Variants in TSPEAR observed in about 807,000 individuals in gnomAD.
TSPEAR encodes thrombospondin type laminin G domain and EAR repeats.
In TSPEAR, 69 loss-of-function variants were observed where a neutral mutation model predicts 71.6. That is an observed-to-expected ratio of 0.96 (90% confidence interval 0.79 to 1.18). TSPEAR has a LOEUF of 1.18. Ranked by LOEUF, TSPEAR falls within the 50% of genes most tolerant of loss-of-function variation. The pLI is 0.00. For missense variants in TSPEAR, 971 were observed against 894.9 expected (o/e 1.09, Z -1.09); for synonymous variants, 402 against 387.2 (o/e 1.04, Z -0.45).
chr21:44,513,762 T>C (rs1408302371), intron 9 of TSPEAR, among the ~76,000 whole-genome samples: 1 of 152,130 alleles, frequency 6.6e-6, no homozygotes, highest in Non-Finnish European at 1.5e-5. Context: ...GGTCTGGGAA[T>C]GCCAGGGGAG....
intron 2 of TSPEAR, chr21:44,539,867 C>T (rs1405113940): frequency 6.3e-7 from 1 of 1,578,112 alleles, no homozygotes; most frequent in Non-Finnish European, 8.6e-7. Flanking sequence ...GGCCTGCTGG[C>T]AGGGGGAGGA....
chr21:44,697,124 C>T (rs1987380929), intron 1 of TSPEAR: 15 of 1,573,716 alleles, frequency 9.5e-6, no homozygotes, highest in Non-Finnish European at 1.3e-5. Context: ...TCACTCCCTC[C>T]TTCCCATCCA....
At chr21:44,709,333 G>A (rs555392501) in intron 1 of TSPEAR, among the ~76,000 whole-genome samples, 19 of 152,356 alleles carry the variant, frequency 1.2e-4, no homozygotes, top group South Asian at 4.1e-4. Flanking sequence ...ATCGCCCTTC[G>A]CACTGAGGCT....
intron 1 of TSPEAR, among the ~76,000 whole-genome samples, chr21:44,703,726 G>A (rs1336003914): frequency 6.6e-6 from 1 of 152,170 alleles, no homozygotes; most frequent in Non-Finnish European, 1.5e-5. Context: ...ATGACCTAGG[G>A]ATCCCACACA....
At chr21:44,571,875 T>G (rs1555922565) in intron 1 of TSPEAR, among the ~76,000 whole-genome samples, 1 of 152,156 alleles carries the variant, frequency 6.6e-6, no homozygotes, top group African/African-American at 2.4e-5. Context: ...GAATTTCAAT[T>G]AGTAAGTGTG....
Position 44,499,428 on chromosome 21 carries a change from A to C in TSPEAR, c.*355T>G. ...GCACACTGCAGGAGTGGCTGGCGAG[A>C]GGCCAGCCGCAGGGACATGAACCGA... is the stretch of plus-strand genomic sequence containing the variant. On this transcript the variant is annotated 3_prime_UTR_variant, in exon 12 of 12. Transcript: ENST00000323084. The C allele has an allele frequency of 4.1e-6, 1 of 244,608 alleles. No homozygotes were observed. The allele number at this position is 244,608 out of a possible 1,614,324, so 15.2% of individuals were successfully genotyped here.
intron 1 of TSPEAR, among the ~76,000 whole-genome samples, chr21:44,625,181 G>C (rs587740007): frequency 6.6e-5 from 10 of 152,328 alleles, no homozygotes; most frequent in African/African-American, 2.4e-4. Flanking sequence ...GGCCCTCAGA[G>C]ACTGAGTGGT....
chr21:44,654,657 T>C (rs1985029135), intron 1 of TSPEAR: 19 of 1,351,718 alleles, frequency 1.4e-5, no homozygotes, highest in Non-Finnish European at 1.9e-5. Flanking sequence ...ACAGGGCTGG[T>C]CTGGAGCCTG....
Position 44,525,800 on chromosome 21 carries a change from C to T in TSPEAR, c.1189G>A (p.Gly397Ser), listed in dbSNP as rs1555914871. ...AVANFEPDEK[G>S]QEFSVIYKWS... ...TTGTAAATGACAGAGAACTCCTGACCCTTCTCATCTGGTTCAAAATTAGCC... is the reference window on the plus strand; with the variant it reads ...TTGTAAATGACAGAGAACTCCTGACTCTTCTCATCTGGTTCAAAATTAGCC... Residue 397 changes from glycine to serine, a missense_variant, in exon 8 of 12, where the codon GGT (glycine) becomes AGT (serine). By Grantham distance (56) the Gly-to-Ser change is moderately conservative. Coordinates refer to ENST00000323084, the MANE Select transcript of TSPEAR (RefSeq NM_144991.3). 1 of 1,614,100 alleles carries T rather than the reference C, an allele frequency of 6.2e-7. No individual in the cohort carries two copies.
chr21:44,691,139 C>T (rs868977758), intron 1 of TSPEAR, among the ~76,000 whole-genome samples: 1 of 151,938 alleles, frequency 6.6e-6, no homozygotes, highest in African/African-American at 2.4e-5. Flanking sequence ...CAGCTCACCC[C>T]CTTACCTAGG....
At chr21:44,551,690 G>A (rs587652541) in intron 2 of TSPEAR, among the ~76,000 whole-genome samples, 1 of 152,280 alleles carries the variant, frequency 6.6e-6, no homozygotes, top group African/African-American at 2.4e-5. Flanking sequence ...TCCTCACTCT[G>A]CTCCTAACAC....
Position 44,521,924 on chromosome 21 carries a change from T to G in TSPEAR, c.1525A>C (p.Ile509Leu), listed in dbSNP as rs925823312. 5 of 1,613,674 alleles carry G rather than the reference T, an allele frequency of 3.1e-6. No homozygotes were observed. The African/African-American group carries it at 6.7e-5, about 22-fold the overall frequency. Residue 509 changes from isoleucine (I) to leucine (L), a missense_variant, in exon 9 of 12, where the codon ATC becomes CTC. Physicochemically the swap from Ile to Leu is conservative, Grantham distance 5 (BLOSUM62 2). Transcript: ENST00000323084. ...TSTKVHSHLY[I>L]RLLGSFQLFQ... ...AGCTGGAAGGAGCCCAGGAGTCGGA[T>G]GTAGAGGTGCGAGTGCACCTTGGTG...
chr21:44,566,637 G>C (rs587706261), intron 2 of TSPEAR, among the ~76,000 whole-genome samples: 1 of 152,258 alleles, frequency 6.6e-6, no homozygotes, highest in East Asian at 1.9e-4. Flanking sequence ...CAGTAACCAA[G>C]ACTGTGTGGT....
In TSPEAR at chr21:44,697,789, C is replaced by T. The variant is rs372693810; in HGVS notation, c.82+13644G>A. On this transcript the variant is annotated intron_variant, in intron 1 of 11. Coordinates refer to ENST00000323084, the MANE Select transcript of TSPEAR (RefSeq NM_144991.3). The stretch of plus-strand genomic sequence containing the variant: ...GCTGCAGACCCTCCTCCTCCGTGTC[C>T]CTCCTCTGCCGCCCTGTGTGCAGAC... 34 of 1,613,686 alleles carry T rather than the reference C, an allele frequency of 2.1e-5. No homozygotes were observed. In the African/African-American group the frequency reaches 4.1e-4, roughly 20 times the overall value.
chr21:44,615,553 T>TG (rs1285633907), intron 1 of TSPEAR, among the ~76,000 whole-genome samples: 1 of 148,008 alleles, frequency 6.8e-6, no homozygotes, highest in Non-Finnish European at 1.5e-5. Flanking sequence ...CCAAAGGTTT[T>TG]TTTTTTTTTT....
intron 2 of TSPEAR, among the ~76,000 whole-genome samples, chr21:44,559,060 C>T (rs2053595949): frequency 6.6e-6 from 1 of 151,976 alleles, no homozygotes; most frequent in Non-Finnish European, 1.5e-5. Context: ...GGGACAGTGG[C>T]AGTTAGGAGA....
intron 11 of TSPEAR, among the ~76,000 whole-genome samples, chr21:44,503,766 G>T (rs587670101): frequency 1.6e-4 from 20 of 124,954 alleles, no homozygotes; most frequent in Admixed American, 3.2e-4. Context: ...GAGCCCTCGG[G>T]GGGAAGCAAG....
At chr21:44,508,579 G>A in intron 10 of TSPEAR, 1 of 1,175,218 alleles carries the variant, frequency 8.5e-7, no homozygotes, top group Non-Finnish European at 1.1e-6. Context: ...GGTCAGGATG[G>A]TTGTGGATTC....
At chr21:44,517,319 G>A (rs17004659) in intron 9 of TSPEAR, 1,828 of 161,410 alleles carry the variant, frequency 0.011, 45 homozygotes, top group African/African-American at 0.042. Flanking sequence ...CAGGAACACC[G>A]CCTAGTCCAG....
Sources: gnomAD v4.1 joint callset for allele counts (sites outside exome capture counted in the v4.1 genomes callset) on GRCh38, gnomAD v4.1.1 for gene constraint, MANE v1.5 for transcripts, NCBI Gene and HGNC (gene_info 2026-07-23, HGNC 2026-07-21) for gene names.